The following IQGAP2 variants were observed in gnomAD, a reference collection of about 807,000 sequenced individuals.
IQGAP2 encodes IQ motif containing GTPase activating protein 2, also known as ras GTPase-activating-like protein IQGAP2.
Under a neutral mutation model 201.3 loss-of-function variants are expected in IQGAP2, and 173 were observed. That is an observed-to-expected ratio of 0.86 (90% confidence interval 0.76 to 0.98). The LOEUF (loss-of-function observed/expected upper bound fraction) is 0.98. Ranked by LOEUF, IQGAP2 falls within the 50% of genes least tolerant of loss-of-function variation. The pLI is 0.00. For missense variants in IQGAP2, 1,687 were observed against 1,864.8 expected (o/e 0.90, Z 1.76); for synonymous variants, 675 against 673.9 (o/e 1.00, Z -0.03).
intron 2 of IQGAP2, among the ~76,000 whole-genome samples, chr5:76,514,169 AC>A (rs1758161480): frequency 6.6e-6 from 1 of 151,636 alleles, no homozygotes; most frequent in Non-Finnish European, 1.5e-5. Context: ...GATTACAGGC[AC>A]CCATCAACAC....
At chr5:76,429,096 A>G (rs942958370) in intron 1 of IQGAP2, among the ~76,000 whole-genome samples, 7 of 147,148 alleles carry the variant, frequency 4.8e-5, no homozygotes, top group African/African-American at 1.7e-4. Context: ...AAAAAATTCT[A>G]GAAGTACATT....
At chr5:76,693,659 C>T (rs954273701) in intron 31 of IQGAP2, among the ~76,000 whole-genome samples, 1 of 151,956 alleles carries the variant, frequency 6.6e-6, no homozygotes, top group Non-Finnish European at 1.5e-5. Context: ...AAATTCATGC[C>T]GAATATACTT....
intron 17 of IQGAP2, among the ~76,000 whole-genome samples, chr5:76,643,629 G>A (rs1751767684): frequency 6.6e-6 from 1 of 152,078 alleles, no homozygotes; most frequent in African/African-American, 2.4e-5. Context: ...GATTAGAGTA[G>A]GTAACTACAG....
chr5:76,447,080 G>T (rs965260939), intron 1 of IQGAP2, among the ~76,000 whole-genome samples: 11 of 151,858 alleles, frequency 7.2e-5, no homozygotes, highest in African/African-American at 2.7e-4. Flanking sequence ...GCCCAATTCA[G>T]CAGGAAACAG....
intron 2 of IQGAP2, among the ~76,000 whole-genome samples, chr5:76,478,835 C>T (rs771908901): frequency 6.6e-6 from 1 of 152,162 alleles, no homozygotes; most frequent in Non-Finnish European, 1.5e-5. Context: ...ACACATTTCC[C>T]TCATTAAGTG....
At chr5:76,552,928 G>A (rs1417806671) in intron 2 of IQGAP2, among the ~76,000 whole-genome samples, 1 of 151,918 alleles carries the variant, frequency 6.6e-6, no homozygotes, top group Non-Finnish European at 1.5e-5. Flanking sequence ...GTGTTTTAAG[G>A]AAAATAATTA....
Position 76,695,507 on chromosome 5 carries a change from T to G in IQGAP2, c.4047T>G (p.Thr1349=), listed in dbSNP as rs1284338521. 3 of 1,614,086 alleles carry G rather than the reference T, an allele frequency of 1.9e-6. No homozygotes were observed. Among genetic ancestry groups the G allele is most frequent in the Non-Finnish European group, 2.5e-6 (3 of 1,180,014 alleles). ...MVSRAMIDSR[T]PEEMKHSQSM... ...GCCGTGCAATGATAGATTCCAGGAC[T>G]CCAGAAGAAATGAAGCATAGCCAAT... Residue 1349 remains threonine, a synonymous_variant, in exon 32 of 36, where the codon ACT becomes ACG. Coordinates refer to ENST00000274364, the MANE Select transcript of IQGAP2 (RefSeq NM_006633.5).
At chr5:76,593,105 C>CT (rs1337639549) in intron 9 of IQGAP2, among the ~76,000 whole-genome samples, 180 bp downstream of exon 9, 1 of 152,074 alleles carries the variant, frequency 6.6e-6, no homozygotes, top group East Asian at 1.9e-4. Flanking sequence ...TCCCACTGGG[C>CT]TTTTTTTGGT....
At chr5:76,482,982 C>T (rs1197438569) in intron 2 of IQGAP2, among the ~76,000 whole-genome samples, 2 of 152,282 alleles carry the variant, frequency 1.3e-5, no homozygotes, top group African/African-American at 4.8e-5. Flanking sequence ...ATGTGAAAAG[C>T]AGCCTAAAAA....
intron 21 of IQGAP2, among the ~76,000 whole-genome samples, chr5:76,662,833 T>A (rs13181277): frequency 0.011 from 1,719 of 152,284 alleles, 17 homozygotes; most frequent in Non-Finnish European, 0.019. Flanking sequence ...GTTGCTTTTT[T>A]AAAAATGTTA....
intron 11 of IQGAP2, among the ~76,000 whole-genome samples, chr5:76,605,747 A>G (rs1446637342): frequency 6.6e-6 from 1 of 152,202 alleles, no homozygotes; most frequent in Non-Finnish European, 1.5e-5. Context: ...TTTGGAAGGA[A>G]CAAGAGAAAT....
chr5:76,597,804 A>T (rs992392043), intron 10 of IQGAP2, among the ~76,000 whole-genome samples: 1 of 152,230 alleles, frequency 6.6e-6, no homozygotes, highest in Non-Finnish European at 1.5e-5. Context: ...ATCTAAGAGC[A>T]TAGTTAGGAA....
intron 31 of IQGAP2, 35 bp downstream of exon 31, chr5:76,693,477 A>T: frequency 7.7e-7 from 1 of 1,294,766 alleles, no homozygotes. Flanking sequence ...AATAATAGAC[A>T]GGTGTTGATT....
intron 30 of IQGAP2, among the ~76,000 whole-genome samples, chr5:76,690,969 G>A (rs1302912118): frequency 6.6e-6 from 1 of 152,218 alleles, no homozygotes; most frequent in African/African-American, 2.4e-5. Context: ...CCTTGCATCA[G>A]TCCTGAGAGA....
chr5:76,540,979 T>TA (rs1209067343), intron 2 of IQGAP2, among the ~76,000 whole-genome samples: 1 of 149,596 alleles, frequency 6.7e-6, no homozygotes. Flanking sequence ...GACAGACACC[T>TA]ACCTAATCTA....
chr5:76,605,077 A>G (rs1052983198), intron 11 of IQGAP2, among the ~76,000 whole-genome samples: 4 of 152,232 alleles, frequency 2.6e-5, no homozygotes, highest in Admixed American at 6.5e-5. Context: ...GTGCAAAGAC[A>G]TAAAAGCACA....
intron 17 of IQGAP2, among the ~76,000 whole-genome samples, chr5:76,650,485 GT>G (rs1167398151): frequency 2.6e-5 from 4 of 152,108 alleles, no homozygotes; most frequent in Admixed American, 2.6e-4. Context: ...TATTCTGTGG[GT>G]TTTTTGTTAA....
chr5:76,636,707 T>A (rs192534319), intron 15 of IQGAP2, among the ~76,000 whole-genome samples: 1 of 152,332 alleles, frequency 6.6e-6, no homozygotes, highest in African/African-American at 2.4e-5. Flanking sequence ...ACATGTGTTG[T>A]TTGCATCTAC....
intron 2 of IQGAP2, among the ~76,000 whole-genome samples, chr5:76,498,185 A>T (rs1351717744): frequency 6.6e-6 from 1 of 152,218 alleles, no homozygotes; most frequent in Non-Finnish European, 1.5e-5. Context: ...TAGAACGGAG[A>T]GATGCTTCAG....
Sources: allele counts gnomAD v4.1 joint callset (sites outside exome capture counted in the v4.1 genomes callset), GRCh38; gene constraint gnomAD v4.1.1; transcripts MANE v1.5; gene names NCBI Gene and HGNC (gene_info 2026-07-23, HGNC 2026-07-21).